Variants in ZNF536 observed in about 807,000 individuals in gnomAD.
The protein encoded by ZNF536 is zinc finger protein 536.
Under a neutral mutation model 84.5 loss-of-function variants are expected in ZNF536, and 13 were observed. That is an observed-to-expected ratio of 0.15 (90% CI 0.10 to 0.24). The LOEUF is 0.24. Among genes scored for constraint, ZNF536 ranks in the 10% least tolerant of loss-of-function variants. ZNF536 has a pLI of 1.00. For synonymous variants in ZNF536, 811 were observed against 742.5 expected, an observed-to-expected ratio of 1.09 and a Z score of -1.50; for missense variants, 1,536 against 1,747.5, an observed-to-expected ratio of 0.88 and a Z score of 2.16.
At position 30,548,679 on chromosome 19, in the gene ZNF536, C is replaced by T; in HGVS notation, c.3060C>T (p.Leu1020=). The T allele has an allele frequency of 6.2e-7, 1 of 1,614,052 alleles. No individual in the cohort carries two copies. The highest frequency in any genetic ancestry group is 8.5e-7 in the Non-Finnish European group (1 of 1,180,030). Residue 1020 remains leucine, a synonymous_variant, in exon 4 of 5, where the codon CTC becomes CTT. Coordinates refer to ENST00000355537, the MANE Select transcript of ZNF536 (RefSeq NM_014717.3). ...TSSMELMALH[L]QANHLGKAKR... is the part of the protein sequence containing the mutation. ...CCATGGAGCTCATGGCCCTTCATCT[C>T]CAGGCCAACCACCTGGGCAAAGCGA...
At chr19:30,551,713 A>T (rs1815047044) in intron 4 of ZNF536, among the ~76,000 whole-genome samples, 1 of 152,136 alleles carries the variant, frequency 6.6e-6, no homozygotes, top group South Asian at 2.1e-4. Context: ...TCTGGCCACG[A>T]GCTGCCTATT....
chr19:30,637,861 G>T (rs2049129112), intron 1 of ZNF536, among the ~76,000 whole-genome samples: 1 of 152,072 alleles, frequency 6.6e-6, no homozygotes, highest in African/African-American at 2.4e-5. Flanking sequence ...TTATAGCAAG[G>T]GTTAGACAAA....
At chr19:30,366,563 C>T (rs1229373272) in intron 3 of ZNF536, among the ~76,000 whole-genome samples, 2 of 151,230 alleles carry the variant, frequency 1.3e-5, no homozygotes, top group East Asian at 1.9e-4. Context: ...ACCTTTCTTC[C>T]TCTCTAGATC....
chr19:30,341,034 G>A (rs1422829178), intron 2 of ZNF536, among the ~76,000 whole-genome samples: 1 of 152,122 alleles, frequency 6.6e-6, no homozygotes, highest in Non-Finnish European at 1.5e-5. Flanking sequence ...AATCTCTTTA[G>A]CAAGCCATGG....
chr19:30,315,880 A>AT (rs2046661509), intron 2 of ZNF536, among the ~76,000 whole-genome samples: 2 of 152,206 alleles, frequency 1.3e-5, no homozygotes, highest in African/African-American at 4.8e-5. Context: ...AGATCTTACT[A>AT]TACATATTGT....
chr19:30,643,858 G>A lies in ZNF536; in HGVS notation c.170-66899G>A, dbSNP rs77053214. ...TAGGCCATGCTTGAGTGAACTCCAGGGTATTAGAAAAAGATTTCTTTGCTT... is the reference window on the plus strand; with the variant it reads ...TAGGCCATGCTTGAGTGAACTCCAGAGTATTAGAAAAAGATTTCTTTGCTT... On this transcript the variant is annotated intron_variant, in intron 1 of 1. Coordinates refer to the ZNF536 transcript ENST00000592773. Among the ~76,000 whole-genome samples, 12 of 152,090 alleles carry A rather than the reference G, an allele frequency of 7.9e-5. No homozygotes were observed. The East Asian group carries it at 2.3e-3, about 29-fold the overall frequency.
At chr19:30,553,352 C>T (rs1157095602) in intron 4 of ZNF536, among the ~76,000 whole-genome samples, 1 of 152,238 alleles carries the variant, frequency 6.6e-6, no homozygotes, top group Non-Finnish European at 1.5e-5. Flanking sequence ...GCACAGCACC[C>T]ATGGGGCCCA....
At chr19:30,705,825 G>A (rs1289076170) in intron 1 of ZNF536, among the ~76,000 whole-genome samples, 2 of 152,110 alleles carry the variant, frequency 1.3e-5, no homozygotes, top group Admixed American at 1.3e-4. Context: ...TCTCACCTAA[G>A]TGAAAATGAA....
chr19:30,626,036 G>T (rs1298161535), intron 1 of ZNF536, among the ~76,000 whole-genome samples: 1 of 152,166 alleles, frequency 6.6e-6, no homozygotes, highest in African/African-American at 2.4e-5. Context: ...TATTTACCAA[G>T]AAAAAAACAT....
chr19:30,459,875 G>A (rs1362145965), intron 2 of ZNF536, among the ~76,000 whole-genome samples: 9 of 152,166 alleles, frequency 5.9e-5, no homozygotes, highest in African/African-American at 2.2e-4. Context: ...ATTCAAGATG[G>A]TTTAGTTCCT....
At chr19:30,660,788 A>C (rs2050094762) in intron 1 of ZNF536, among the ~76,000 whole-genome samples, 1 of 152,226 alleles carries the variant, frequency 6.6e-6, no homozygotes, top group Non-Finnish European at 1.5e-5. Flanking sequence ...TAGTAATCAC[A>C]TGCAACTATT....
chr19:30,559,891 G>C (rs114894259), downstream of ZNF536, among the ~76,000 whole-genome samples: 1 of 152,146 alleles, frequency 6.6e-6, no homozygotes, highest in Non-Finnish European at 1.5e-5. Context: ...AAAGCAGGGG[G>C]TATTTCCTGA....
intron 2 of ZNF536, among the ~76,000 whole-genome samples, chr19:30,326,768 T>A (rs1346472714): frequency 7.1e-6 from 1 of 141,274 alleles, no homozygotes; most frequent in African/African-American, 2.6e-5. Flanking sequence ...TTTTTTTAAC[T>A]GGGAGATTTT....
At chr19:30,326,775 T>C (rs2047041405) in intron 2 of ZNF536, among the ~76,000 whole-genome samples, 1 of 148,026 alleles carries the variant, frequency 6.8e-6, no homozygotes, top group South Asian at 2.1e-4. Context: ...AACTGGGAGA[T>C]TTTTTTTATA....
chr19:30,492,034 C>A (rs766644409), intron 2 of ZNF536, among the ~76,000 whole-genome samples: 4 of 148,918 alleles, frequency 2.7e-5, no homozygotes, highest in Non-Finnish European at 4.4e-5. Flanking sequence ...CTTTGCCTGG[C>A]TCACTAACTG....
At chr19:30,609,341 C>A (rs532034221) in intron 1 of ZNF536, among the ~76,000 whole-genome samples, 52 of 152,280 alleles carry the variant, frequency 3.4e-4, no homozygotes, top group Admixed American at 5.2e-4. Flanking sequence ...CACCTCTGGA[C>A]ACTTTCTATA....
chr19:30,458,844 T>A (rs969092253), intron 2 of ZNF536, among the ~76,000 whole-genome samples: 1 of 152,186 alleles, frequency 6.6e-6, no homozygotes, highest in Non-Finnish European at 1.5e-5. Flanking sequence ...CTCTTCTATC[T>A]CATTTCCCGT....
At chr19:30,296,967 G>A (rs948240413) in intron 2 of ZNF536, among the ~76,000 whole-genome samples, 14 of 152,184 alleles carry the variant, frequency 9.2e-5, no homozygotes, top group African/African-American at 3.1e-4. Context: ...GAAGGTGAGA[G>A]TAAAACTTCC....
At chr19:30,330,711 C>G (rs1156454034) in intron 2 of ZNF536, among the ~76,000 whole-genome samples, 1 of 152,180 alleles carries the variant, frequency 6.6e-6, no homozygotes, top group African/African-American at 2.4e-5. Flanking sequence ...TAGACATGTA[C>G]TCATTCGGGA....
Sources: gnomAD v4.1 joint callset for allele counts (sites outside exome capture counted in the v4.1 genomes callset) on GRCh38, gnomAD v4.1.1 for gene constraint, MANE v1.5 for transcripts, NCBI Gene and HGNC (gene_info 2026-07-23, HGNC 2026-07-21) for gene names.